Variants in MAF observed in about 807,000 individuals in gnomAD.
MAF encodes the protein transcription factor Maf.
A neutral mutation model predicts 22.0 loss-of-function variants in MAF; 10 were observed. That is an observed-to-expected ratio of 0.45 (90% confidence interval 0.28 to 0.77). The LOEUF (loss-of-function observed/expected upper bound fraction) is 0.77. MAF is among the 30% of genes least tolerant of loss of function. The probability of loss-of-function intolerance (pLI) is 0.12; values close to 1 mark genes in which losing one functional copy is unlikely to be tolerated. For missense variants in MAF, 544 were observed against 548.4 expected, an observed-to-expected ratio of 0.99 and a Z score of 0.08; for synonymous variants, 337 against 255.8, an observed-to-expected ratio of 1.32 and a Z score of -3.03.
the MAF span, among the ~76,000 whole-genome samples, chr16:79,451,211 T>C: frequency 2.6e-5 from 4 of 152,268 alleles, no homozygotes; most frequent in African/African-American, 9.6e-5. Context: ...GTTTAGTCTA[T>C]GCTAGGCATT....
the MAF span, among the ~76,000 whole-genome samples, chr16:79,404,514 G>A: frequency 6.6e-6 from 1 of 152,130 alleles, no homozygotes; most frequent in African/African-American, 2.4e-5. Context: ...TGGGTACATC[G>A]AGGAGAGACT....
At chr16:79,314,057 C>T in the MAF span, among the ~76,000 whole-genome samples, 1 of 152,180 alleles carries the variant, frequency 6.6e-6, no homozygotes, top group African/African-American at 2.4e-5. Context: ...GATTCCAAGA[C>T]ATGGACAGTT....
chr16:79,344,660 C>T, the MAF span, among the ~76,000 whole-genome samples: 8 of 152,188 alleles, frequency 5.3e-5, no homozygotes, highest in Non-Finnish European at 8.8e-5. Flanking sequence ...AAGAGCTGTC[C>T]GAATCATAGT....
At chr16:79,469,567 C>CAAGG in the MAF span, among the ~76,000 whole-genome samples, 1 of 151,938 alleles carries the variant, frequency 6.6e-6, no homozygotes, top group Non-Finnish European at 1.5e-5. Context: ...TTTTTATATG[C>CAAGG]AAGGTCTCAT....
At chr16:79,373,359 C>CCTTT in the MAF span, among the ~76,000 whole-genome samples, 1 of 33,300 alleles carries the variant, frequency 3.0e-5, no homozygotes. Flanking sequence ...GGACTGGTAG[C>CCTTT]TTTTTTTTTT....
the MAF span, among the ~76,000 whole-genome samples, chr16:79,210,212 T>G: frequency 2.1e-4 from 32 of 152,316 alleles, no homozygotes; most frequent in African/African-American, 7.5e-4. Context: ...TTACTAGATA[T>G]CCTGACACTG....
At chr16:79,451,087 G>A in the MAF span, among the ~76,000 whole-genome samples, 6 of 151,988 alleles carry the variant, frequency 3.9e-5, no homozygotes, top group African/African-American at 1.5e-4. Flanking sequence ...ATTATAGTAG[G>A]GCAAGCCACA....
At chr16:79,224,852 G>C in the MAF span, among the ~76,000 whole-genome samples, 1 of 152,138 alleles carries the variant, frequency 6.6e-6, no homozygotes, top group African/African-American at 2.4e-5. Context: ...ACTGCTCAAG[G>C]AAATAAGAGA....
the MAF span, among the ~76,000 whole-genome samples, chr16:79,368,470 T>A: frequency 6.6e-6 from 1 of 152,132 alleles, no homozygotes; most frequent in Non-Finnish European, 1.5e-5. Context: ...GTTTTTAGTA[T>A]ATGACTATGA....
chr16:79,436,904 G>A, the MAF span, among the ~76,000 whole-genome samples: 2 of 152,158 alleles, frequency 1.3e-5, no homozygotes, highest in Admixed American at 1.3e-4. Flanking sequence ...GCTTTTGACT[G>A]TCTTGGGCAA....
chr16:79,244,676 C>T, the MAF span, among the ~76,000 whole-genome samples: 1 of 152,188 alleles, frequency 6.6e-6, no homozygotes, highest in Non-Finnish European at 1.5e-5. Flanking sequence ...CTATCCCCAT[C>T]AAGCTACCAT....
chr16:79,476,926 G>T, the MAF span, among the ~76,000 whole-genome samples: 1 of 152,050 alleles, frequency 6.6e-6, no homozygotes. Flanking sequence ...TTTGAGAGTC[G>T]CGTTATCATC....
At chr16:79,461,382 G>C in the MAF span, among the ~76,000 whole-genome samples, 1 of 152,130 alleles carries the variant, frequency 6.6e-6, no homozygotes, top group Non-Finnish European at 1.5e-5. Context: ...TCTCCTCCAA[G>C]GGACAACTTG....
At chr16:79,435,742 G>A in the MAF span, among the ~76,000 whole-genome samples, 2 of 152,122 alleles carry the variant, frequency 1.3e-5, no homozygotes, top group East Asian at 3.9e-4. Context: ...CCCAGTTCAC[G>A]CCGAGATGTG....
chr16:79,217,605 C>T, the MAF span, among the ~76,000 whole-genome samples: 108 of 152,250 alleles, frequency 7.1e-4, no homozygotes, highest in Admixed American at 1.4e-3. Context: ...GAGTTCTTCG[C>T]GCTCATCTGA....
the MAF span, among the ~76,000 whole-genome samples, chr16:79,240,119 T>TG: frequency 1.3e-5 from 2 of 151,820 alleles, no homozygotes; most frequent in East Asian, 1.9e-4. Context: ...AGAATGGCAT[T>TG]GGGGGTTTAG....
At chr16:79,236,369 C>G in the MAF span, among the ~76,000 whole-genome samples, 2 of 151,928 alleles carry the variant, frequency 1.3e-5, no homozygotes, top group African/African-American at 4.8e-5. Context: ...AGCTCCTGTA[C>G]GTCCTCCAAG....
chr16:79,266,408 G>A, the MAF span, among the ~76,000 whole-genome samples: 1 of 152,142 alleles, frequency 6.6e-6, no homozygotes, highest in African/African-American at 2.4e-5. Context: ...GGGGTTCTGA[G>A]GACTCCCAGA....
chr16:79,437,767 C>T, the MAF span, among the ~76,000 whole-genome samples: 4 of 152,208 alleles, frequency 2.6e-5, no homozygotes, highest in Non-Finnish European at 4.4e-5. Context: ...AAACCGTAGG[C>T]TGGCATTGGG....
Sources: allele counts gnomAD v4.1 joint callset (sites outside exome capture counted in the v4.1 genomes callset), GRCh38; gene constraint gnomAD v4.1.1; transcripts MANE v1.5; gene names NCBI Gene and HGNC (gene_info 2026-07-23, HGNC 2026-07-21).